MEST: variants seen among roughly 807,000 people sequenced by gnomAD.
MEST encodes mesoderm specific transcript, also known as mesoderm-specific transcript homolog protein.
Under a neutral mutation model 50.9 loss-of-function variants are expected in MEST, and 18 were observed. That is an observed-to-expected ratio of 0.35 (90% CI 0.24 to 0.52). The LOEUF is 0.52. Among genes scored for constraint, MEST ranks in the 20% least tolerant of loss-of-function variants. The pLI is 0.94. For missense variants in MEST, 282 were observed against 425.3 expected, an observed-to-expected ratio of 0.66 and a Z score of 2.96; for synonymous variants, 130 against 154.1, an observed-to-expected ratio of 0.84 and a Z score of 1.16.
chr7:130,503,775 C>G (rs979868860), intron 10 of MEST, among the ~76,000 whole-genome samples, 158 bp from the exon 11 acceptor site: 3 of 152,130 alleles, frequency 2.0e-5, no homozygotes, highest in Non-Finnish European at 4.4e-5. Context: ...ATGACTGCAC[C>G]ACTGCACTCC....
chr7:130,500,040 A>G lies in MEST; in HGVS notation c.576+125A>G, dbSNP rs1431632510. On this transcript the variant is annotated intron_variant, in intron 7 of 11. Coordinates refer to ENST00000223215, the MANE Select transcript of MEST (RefSeq NM_002402.4). This position sits in a 1 kb window ranked among gnomAD's most constrained non-coding sequence, Gnocchi z 5.0. Reference sequence around the variant, plus strand: ...TAAATCCTCTTCCTTGTGAATTTCTATTAATGAAGTTACTTTTTCCCTTCT... The same window carrying G: ...TAAATCCTCTTCCTTGTGAATTTCTGTTAATGAAGTTACTTTTTCCCTTCT... 1.2e-6 allele frequency: 1 copy of G among 852,838 alleles called. No homozygotes were observed. The highest frequency in any genetic ancestry group is 1.8e-6 in the Non-Finnish European group (1 of 552,498). 52.8% of individuals were successfully genotyped at this position (852,838 alleles called of 1,614,324 possible). A position where few individuals can be genotyped will look rare whatever the true frequency, so the allele number is the denominator to read the frequency against.
intron 2 of MEST, chr7:130,496,943 A>G: frequency 2.8e-6 from 1 of 363,170 alleles, no homozygotes; most frequent in East Asian, 4.5e-5. Context: ...ACATAGCATG[A>G]TTTTTACAAT....
intron 9 of MEST, chr7:130,501,174 C>A (rs1799264296): frequency 3.8e-6 from 1 of 266,060 alleles, no homozygotes; most frequent in Admixed American, 5.1e-5. Context: ...TATCTTTCTG[C>A]AGCAACGGGG....
At chr7:130,498,112 T>G in intron 4 of MEST, 27 bp from the exon 5 acceptor site, 1 of 1,614,182 alleles carries the variant, frequency 6.2e-7, no homozygotes, top group Non-Finnish European at 8.5e-7. Context: ...GACTTCATCC[T>G]GTGTATGTGG....
chr7:130,498,400 T>C lies in MEST; in HGVS notation c.477-19T>C, dbSNP rs1563024009. 1 of 1,614,074 alleles carries C rather than the reference T, an allele frequency of 6.2e-7. No individual in the cohort carries two copies. The highest frequency in any genetic ancestry group is 8.5e-7 in the Non-Finnish European group (1 of 1,180,014). On this transcript the variant is annotated intron_variant, in intron 5 of 11. Coordinates refer to ENST00000223215, the MANE Select transcript of MEST (RefSeq NM_002402.4). ...TAAGTTTGCTCAGCTACATGTGTGT[T>C]TCCTCGTCTCCCTTCTAGGTACAAG... is the stretch of plus-strand genomic sequence containing the variant.
chr7:130,500,007 G>A lies in MEST; in HGVS notation c.576+92G>A. 1 of 1,035,326 alleles carries A rather than the reference G, an allele frequency of 9.7e-7. No homozygotes were observed. The highest frequency in any genetic ancestry group is 1.4e-6 in the Non-Finnish European group (1 of 694,962). 64.1% of individuals were successfully genotyped at this position (1,035,326 alleles called of 1,614,324 possible). ...TTAAGGGCCATAGCTCCTGTAACTGGCAGTAGTTAAATCCTCTTCCTTGTG... is the reference window on the plus strand; with the variant it reads ...TTAAGGGCCATAGCTCCTGTAACTGACAGTAGTTAAATCCTCTTCCTTGTG... On this transcript the variant is annotated intron_variant, in intron 7 of 11. Transcript: ENST00000223215. The surrounding 1 kb of genome is among the most constrained non-coding windows in gnomAD (Gnocchi z 5.0).
chr7:130,500,909 C>CAGAGAAG lies in MEST; in HGVS notation c.749+19_749+20insAGAGAAG. 2 of 1,604,658 alleles carry CAGAGAAG rather than the reference C, an allele frequency of 1.2e-6. No homozygotes were observed. The highest frequency in any genetic ancestry group is 1.7e-6 in the Non-Finnish European group (2 of 1,173,510). The stretch of plus-strand genomic sequence containing the variant: ...TTGACAGGTAAGAAGTTACCCTTTG[C>CAGAGAAG]TTTGGTTTCCAGAGACGTGTTTTTG... On this transcript the variant is annotated intron_variant, in intron 9 of 11. Coordinates refer to ENST00000223215, the MANE Select transcript of MEST (RefSeq NM_002402.4). The surrounding 1 kb of genome is among the most constrained non-coding windows in gnomAD (Gnocchi z 5.0).
At position 130,505,236 on chromosome 7, in the gene MEST, T is replaced by A. The variant is rs1418719057; in HGVS notation, c.*180T>A. The A allele has an allele frequency of 1.8e-6, 1 of 569,486 alleles. No individual in the cohort carries two copies. Among genetic ancestry groups the A allele is most frequent in the African/African-American group, 1.8e-5 (1 of 54,502 alleles). 35.3% of individuals were successfully genotyped at this position (569,486 alleles called of 1,614,324 possible). Reference sequence around the variant, plus strand: ...AAGCCAGCAGGAGCTCTGACTAAGGTTGACATAATAGTCCACCTCCCATTA... The same window carrying A: ...AAGCCAGCAGGAGCTCTGACTAAGGATGACATAATAGTCCACCTCCCATTA... On this transcript the variant is annotated 3_prime_UTR_variant, in exon 12 of 12. Transcript: ENST00000223215.
chr7:130,499,972 C>T (rs1799216127), intron 7 of MEST, 57 bp downstream of exon 7: 1 of 1,449,134 alleles, frequency 6.9e-7, no homozygotes, highest in Non-Finnish European at 9.5e-7. Flanking sequence ...GTAAATAATG[C>T]TGGGACCTTT....
chr7:130,500,888 C>T lies in MEST; in HGVS notation c.747C>T (p.Asp249=), dbSNP rs1799251840. ...IRNNDGNLVI[D]SLLQYINQRK... Reference sequence around the variant, plus strand: ...ACAATGACGGGAACTTAGTCATTGACAGGTAAGAAGTTACCCTTTGCTTTG... The same window carrying T: ...ACAATGACGGGAACTTAGTCATTGATAGGTAAGAAGTTACCCTTTGCTTTG... Residue 249 remains aspartate, a splice_region_variant and synonymous_variant, in exon 9 of 12, where the codon GAC becomes GAT. Transcript: ENST00000223215. The surrounding 1 kb of genome is among the most constrained non-coding windows in gnomAD (Gnocchi z 5.0). 6.2e-7 allele frequency: 1 copy of T among 1,612,656 alleles called. No homozygotes were observed. Among genetic ancestry groups the T allele is most frequent in the Non-Finnish European group, 8.5e-7 (1 of 1,179,138 alleles).
upstream of MEST, among the ~76,000 whole-genome samples, chr7:130,491,880 G>T (rs1798825945): frequency 1.3e-5 from 2 of 152,144 alleles, no homozygotes; most frequent in Non-Finnish European, 2.9e-5. This position sits in a 1 kb window ranked among gnomAD's most constrained non-coding sequence, Gnocchi z 6.8. Context: ...GGGTCTTGGG[G>T]AGGGGGCTCG....
chr7:130,495,421 C>G lies in MEST; in HGVS notation c.80C>G (p.Ala27Gly), dbSNP rs1554436543. 1 of 1,613,768 alleles carries G rather than the reference C, an allele frequency of 6.2e-7. No individual in the cohort carries two copies. Among genetic ancestry groups the G allele is most frequent in the Admixed American group, 1.7e-5 (1 of 59,996 alleles). ...VGLLAVPLLA[A>G]YLHIPPPQLS... ...CTGCTGGCCGTGCCCCTGCTTGCTG[C>G]GTACCTGCACATCCCACCCCCTCAG... The change falls in exon 2 of 12, where the codon GCG becomes GGG. Residue 27 changes from alanine to glycine, a missense_variant. Coordinates refer to ENST00000223215, the MANE Select transcript of MEST (RefSeq NM_002402.4).
upstream of MEST, among the ~76,000 whole-genome samples, chr7:130,490,223 A>T (rs1798747733): frequency 6.6e-6 from 1 of 152,212 alleles, no homozygotes; most frequent in South Asian, 2.1e-4. Context: ...AAGGCCATAA[A>T]GAGTTTAAAT....
rs999808452 is a variant in MEST, at chr7:130,492,459, A to G, written c.26+120A>G. On this transcript the variant is annotated intron_variant, in intron 1 of 11. Transcript: ENST00000223215. The surrounding 1 kb of genome is among the most constrained non-coding windows in gnomAD (Gnocchi z 7.6). Reference sequence around the variant, plus strand: ...CTGCCTCTGGGCGAAAACTCTACCGACAGGCGGCACGCATTCCGCGCCCGC... The same window carrying G: ...CTGCCTCTGGGCGAAAACTCTACCGGCAGGCGGCACGCATTCCGCGCCCGC... The G allele has an allele frequency of 3.4e-6, 3 of 878,330 alleles. No homozygotes were observed. Among genetic ancestry groups the G allele is most frequent in the Non-Finnish European group, 4.5e-6 (3 of 663,138 alleles). 54.4% of individuals were successfully genotyped at this position (878,330 alleles called of 1,614,324 possible).
chr7:130,495,777 A>AT, intron 2 of MEST: 2 of 202,000 alleles, frequency 9.9e-6, no homozygotes, highest in East Asian at 1.3e-4. Context: ...TTCCAATATT[A>AT]GTTTTTTTTT....
At chr7:130,502,254 A>G (rs1554438673) in intron 9 of MEST, among the ~76,000 whole-genome samples, 1 of 152,140 alleles carries the variant, frequency 6.6e-6, no homozygotes, top group Non-Finnish European at 1.5e-5. Context: ...CCAACAAATG[A>G]GGAAACCGAG....
chr7:130,489,507 C>T (rs1798722394), upstream of MEST: 1 of 152,204 alleles, frequency 6.6e-6, no homozygotes, highest in Non-Finnish European at 1.5e-5. Flanking sequence ...TTAGAAGATT[C>T]GTTAACTCTT....
At chr7:130,501,613 G>A (rs1405627207) in intron 9 of MEST, among the ~76,000 whole-genome samples, 1 of 152,234 alleles carries the variant, frequency 6.6e-6, no homozygotes, top group African/African-American at 2.4e-5. Context: ...GTTCTAAAAT[G>A]TGGCAGTGGT....
Position 130,505,336 on chromosome 7 carries a change from T to C in MEST, c.*280T>C, listed in dbSNP as rs1554439660. On this transcript the variant is annotated 3_prime_UTR_variant, in exon 12 of 12. Transcript: ENST00000223215. Reference sequence around the variant, plus strand: ...TAGGAAATTCTGATGAGCATTACTATTCACTGATGCAGAAAGACGTTCTTT... The same window carrying C: ...TAGGAAATTCTGATGAGCATTACTACTCACTGATGCAGAAAGACGTTCTTT... The C allele has an allele frequency of 4.1e-6, 1 of 246,748 alleles. No homozygotes were observed. The highest frequency in any genetic ancestry group is 7.9e-6 in the Non-Finnish European group (1 of 126,990). The allele number at this position is 246,748 out of a possible 1,614,324, so 15.3% of individuals were successfully genotyped here.
Sources: allele counts gnomAD v4.1 joint callset (sites outside exome capture counted in the v4.1 genomes callset), GRCh38; gene constraint gnomAD v4.1.1; non-coding constraint Gnocchi (gnomAD v3.1); transcripts MANE v1.5; gene names NCBI Gene and HGNC (gene_info 2026-07-23, HGNC 2026-07-21).